CFAP44: variants seen among roughly 807,000 people sequenced by gnomAD.
CFAP44 encodes the protein cilia and flagella associated protein 44.
In CFAP44, 134 loss-of-function variants were observed where a neutral mutation model predicts 216.2. The ratio of observed to expected loss-of-function variants is 0.62; its 90% CI spans 0.54 to 0.72. CFAP44 has a LOEUF of 0.72. Ranked by LOEUF, CFAP44 falls within the 30% of genes least tolerant of loss-of-function variation. CFAP44 has a pLI of 0.00. For synonymous variants in CFAP44, 700 were observed against 727.6 expected (o/e 0.96, Z 0.61); for missense variants, 2,035 against 2,182.1 (o/e 0.93, Z 1.34).
chr3:113,360,666 C>A (rs1158660681), intron 21 of CFAP44: 1 of 155,044 alleles, frequency 6.4e-6, no homozygotes, highest in Admixed American at 6.5e-5. Context: ...TGGGGTCCCA[C>A]TGAGCAGCTG....
intron 4 of CFAP44, among the ~76,000 whole-genome samples, chr3:113,420,712 A>G (rs1300103167): frequency 1.3e-5 from 2 of 152,220 alleles, no homozygotes; most frequent in Non-Finnish European, 1.5e-5. Flanking sequence ...GTTGAAAGAC[A>G]AGATGCTTAA....
chr3:113,379,334 G>C lies in CFAP44; in HGVS notation c.2270C>G (p.Ser757Ter), dbSNP rs1461693119. The C allele has an allele frequency of 6.2e-7, 1 of 1,600,180 alleles. No individual in the cohort carries two copies. The highest frequency in any genetic ancestry group is 8.5e-7 in the Non-Finnish European group (1 of 1,170,734). Residue 757 changes from serine (S) to a stop codon, truncating the protein, a stop_gained, in exon 17 of 35, where the codon TCA becomes TGA. Coordinates refer to ENST00000393845, the MANE Select transcript of CFAP44 (RefSeq NM_001164496.2). LOFTEE classifies it high-confidence loss of function. ...AGAAACCCAGAACTTCCCTGGCTCT[G>C]AGTAAAATCCACAGAGGATGGGAGA... ...TPSPILCGFY[S>*]EPGKFWVSLG...
chr3:113,432,060 T>C (rs1304752819), intron 2 of CFAP44: 1 of 152,180 alleles, frequency 6.6e-6, no homozygotes, highest in African/African-American at 2.4e-5. Context: ...TGGTAATGTT[T>C]CCAAGATCAA....
intron 26 of CFAP44, among the ~76,000 whole-genome samples, chr3:113,328,023 G>C (rs1950203071): frequency 1.3e-5 from 2 of 152,020 alleles, no homozygotes; most frequent in African/African-American, 2.4e-5. Flanking sequence ...TAGGAATTGT[G>C]TAACTAGAAG....
intron 15 of CFAP44, among the ~76,000 whole-genome samples, chr3:113,383,914 T>TG (rs1382029663): frequency 7.2e-6 from 1 of 138,912 alleles, no homozygotes; most frequent in Non-Finnish European, 1.6e-5. Context: ...CCCAACCCCC[T>TG]GCCAGGCCCC....
rs1192904793 is a variant in CFAP44 at position 113,441,453 on chromosome 3, C to G, written c.-6G>C. 3.0e-6 allele frequency: 3 copies of G among 985,336 alleles called. No individual in the cohort carries two copies. Among genetic ancestry groups the G allele is most frequent in the Non-Finnish European group, 3.6e-6 (3 of 830,086 alleles). 61.0% of individuals were successfully genotyped at this position (985,336 alleles called of 1,614,324 possible). A position where few individuals can be genotyped will look rare whatever the true frequency, so the allele number is the denominator to read the frequency against. On this transcript the variant is annotated splice_region_variant and 5_prime_UTR_variant, in exon 1 of 35. Coordinates refer to ENST00000393845, the MANE Select transcript of CFAP44 (RefSeq NM_001164496.2). Reference sequence around the variant, plus strand: ...GCCGGCTGCTGAGGTCCAAACTCACCGAAGGTACTGACCGCCGCGGCTCCT... The same window carrying G: ...GCCGGCTGCTGAGGTCCAAACTCACGGAAGGTACTGACCGCCGCGGCTCCT...
At chr3:113,292,550 G>A (rs1949840741) in intron 34 of CFAP44, among the ~76,000 whole-genome samples, 2 of 152,220 alleles carry the variant, frequency 1.3e-5, no homozygotes, top group African/African-American at 4.8e-5. Flanking sequence ...TGTGCAAGGT[G>A]CTTTGCATAT....
At chr3:113,333,332 T>C (rs1950255945) in intron 25 of CFAP44, 74 bp downstream of exon 25, 1 of 1,264,602 alleles carries the variant, frequency 7.9e-7, no homozygotes, top group Non-Finnish European at 1.1e-6. Context: ...GATAGGGAAA[T>C]GAGTGGTTTT....
At chr3:113,348,480 C>T (rs1950410696) in intron 22 of CFAP44, among the ~76,000 whole-genome samples, 1 of 152,140 alleles carries the variant, frequency 6.6e-6, no homozygotes, top group African/African-American at 2.4e-5. Context: ...GAGTGAAATA[C>T]CTTATCTCCA....
rs145147051 is a variant in CFAP44, at chr3:113,398,745, C to T, written c.1569+1161G>A. 8.6e-3 allele frequency among the ~76,000 whole-genome samples: 1,312 copies of T among 152,292 alleles called. 17 individuals carry two copies. The highest frequency in any genetic ancestry group is 0.021 in the African/African-American group (887 of 41,556). On this transcript the variant is annotated intron_variant, in intron 13 of 34. Coordinates refer to ENST00000393845, the MANE Select transcript of CFAP44 (RefSeq NM_001164496.2). The stretch of plus-strand genomic sequence containing the variant: ...CAATTATATCCAAATTTACTTTTAG[C>T]CTGGAATATTTTCTCTTTAATTTCA...
chr3:113,287,345 A>G lies in CFAP44; in HGVS notation c.*4212T>C. 5.8e-6 allele frequency: 1 copy of G among 172,598 alleles called. No individual in the cohort carries two copies. The highest frequency in any genetic ancestry group is 1.3e-5 in the Non-Finnish European group (1 of 79,706). The allele number at this position is 172,598 out of a possible 1,614,324, so 10.7% of individuals were successfully genotyped here. A position where few individuals can be genotyped will look rare whatever the true frequency, so the allele number is the denominator to read the frequency against. ...CATGAGAACAGACCAAGATGTGTAC[A>G]GCACTATGAGCATTAAAAAACCTTC... On this transcript the variant is annotated 3_prime_UTR_variant, in exon 35 of 35. Transcript: ENST00000393845.
chr3:113,315,286 A>T (rs1481200553), intron 28 of CFAP44, among the ~76,000 whole-genome samples: 1 of 152,156 alleles, frequency 6.6e-6, no homozygotes, highest in Non-Finnish European at 1.5e-5. Context: ...CAGCTATATT[A>T]ATGTCAGACA....
At position 113,373,408 on chromosome 3, in the gene CFAP44, C is replaced by T; in HGVS notation, c.2444+3G>A. On this transcript the variant is annotated splice_donor_region_variant and intron_variant, in intron 18 of 34. Transcript: ENST00000393845. Reference sequence around the variant, plus strand: ...TTTTAAAGCTTTTTGAAATACTGCTCACTTGAAAGTGATAGTTTGGATGGG... The same window carrying T: ...TTTTAAAGCTTTTTGAAATACTGCTTACTTGAAAGTGATAGTTTGGATGGG... 1 of 1,547,212 alleles carries T rather than the reference C, an allele frequency of 6.5e-7. No individual in the cohort carries two copies. Among genetic ancestry groups the T allele is most frequent in the Non-Finnish European group, 8.7e-7 (1 of 1,144,188 alleles).
intron 34 of CFAP44, among the ~76,000 whole-genome samples, chr3:113,292,669 G>C (rs1313854125): frequency 6.6e-6 from 1 of 152,228 alleles, no homozygotes; most frequent in East Asian, 1.9e-4. Context: ...AGTCAAGCTG[G>C]AAGCAGAGTT....
chr3:113,349,701 G>A (rs1222015995), intron 22 of CFAP44, among the ~76,000 whole-genome samples: 1 of 152,200 alleles, frequency 6.6e-6, no homozygotes, highest in Non-Finnish European at 1.5e-5. Context: ...CAGTACTGAG[G>A]GCTCCCGGGG....
At chr3:113,389,394 T>C (rs543408424) in intron 15 of CFAP44, among the ~76,000 whole-genome samples, 8 of 152,032 alleles carry the variant, frequency 5.3e-5, no homozygotes, top group Non-Finnish European at 1.0e-4. Flanking sequence ...GAAAAGTTTA[T>C]AGCTATAAGC....
chr3:113,350,153 C>G (rs1950428898), intron 22 of CFAP44, among the ~76,000 whole-genome samples: 1 of 150,974 alleles, frequency 6.6e-6, no homozygotes, highest in Non-Finnish European at 1.5e-5. Flanking sequence ...CTGGCAGAGG[C>G]AGAGAAAGAC....
At chr3:113,301,671 A>G (rs1371470037) in intron 32 of CFAP44, among the ~76,000 whole-genome samples, 2 of 152,236 alleles carry the variant, frequency 1.3e-5, no homozygotes, top group Admixed American at 1.3e-4. Context: ...ATATTATCAT[A>G]TACAACATGC....
At chr3:113,360,979 TG>T in intron 21 of CFAP44, 1 of 283,554 alleles carries the variant, frequency 3.5e-6, no homozygotes, top group South Asian at 4.8e-5. Context: ...ATTTTGATGG[TG>T]GATTTGGTTG....
Sources: allele counts gnomAD v4.1 joint callset (sites outside exome capture counted in the v4.1 genomes callset), GRCh38; gene constraint gnomAD v4.1.1; transcripts MANE v1.5; gene names NCBI Gene and HGNC (gene_info 2026-07-23, HGNC 2026-07-21).